The following UNC79 variants were observed in gnomAD, a reference collection of about 807,000 sequenced individuals.
The protein encoded by UNC79 is unc-79 subunit of NALCN channel complex.
UNC79 carries 37 observed loss-of-function variants against 283.1 expected under a neutral mutation model. The ratio of observed to expected loss-of-function variants is 0.13; its 90% CI spans 0.10 to 0.17. UNC79 has a LOEUF of 0.17. UNC79 is among the 10% of genes least tolerant of loss of function. The pLI is 1.00. For synonymous variants in UNC79, 1,107 were observed against 1,200.2 expected, an observed-to-expected ratio of 0.92 and a Z score of 1.61; for missense variants, 2,272 against 3,211.1, an observed-to-expected ratio of 0.71 and a Z score of 7.07.
Position 93,621,565 on chromosome 14 carries a change from GA to G in UNC79, c.4388-50del. ...CCAATTGTATGCCCAAGGATGAGGG[GA>G]AAAAATGGTGAAATCTCCAAGTAAA... On this transcript the variant is annotated intron_variant, in intron 29 of 48. Transcript: ENST00000555664. The surrounding 1 kb of genome is among the most constrained non-coding windows in gnomAD (Gnocchi z 4.8). 18 of 1,491,494 alleles carry G rather than the reference GA, an allele frequency of 1.2e-5. No individual in the cohort carries two copies. The South Asian group carries it at 1.8e-4, about 15-fold the overall frequency. 92.4% of individuals were successfully genotyped at this position (1,491,494 alleles called of 1,614,324 possible). A position where few individuals can be genotyped will look rare whatever the true frequency, so the allele number is the denominator to read the frequency against.
intron 29 of UNC79, among the ~76,000 whole-genome samples, chr14:93,619,659 T>G (rs1246741372): frequency 6.6e-6 from 1 of 152,204 alleles, no homozygotes; most frequent in Admixed American, 6.5e-5. Context: ...TATGGTTATT[T>G]CATCTAAAAT....
At chr14:93,517,181 T>TCCCCTCTCTCCA (rs1162353806) in intron 7 of UNC79, among the ~76,000 whole-genome samples, 1 of 151,008 alleles carries the variant, frequency 6.6e-6, no homozygotes, top group Non-Finnish European at 1.5e-5. Flanking sequence ...CCTTCCTTCC[T>TCCCCTCTCTCCA]CCCCTCTCTC....
chr14:93,566,818 C>T (rs556709844), intron 14 of UNC79, among the ~76,000 whole-genome samples: 32 of 152,046 alleles, frequency 2.1e-4, no homozygotes, highest in Non-Finnish European at 7.4e-5. Context: ...GGTATTTCAC[C>T]ATGTTGGCAA....
At chr14:93,468,722 G>A (rs966683350) in intron 2 of UNC79, among the ~76,000 whole-genome samples, 16 of 152,258 alleles carry the variant, frequency 1.1e-4, no homozygotes, top group African/African-American at 3.8e-4. Flanking sequence ...AGTCAGCTAC[G>A]AATCTTTTGC....
chr14:93,659,491 A>G (rs1201720092), intron 39 of UNC79, among the ~76,000 whole-genome samples: 1 of 152,144 alleles, frequency 6.6e-6, no homozygotes, highest in Non-Finnish European at 1.5e-5. Context: ...CATGCCCCCC[A>G]ATCCATCCCC....
At chr14:93,372,268 C>A (rs2054467818) in intron 1 of UNC79, among the ~76,000 whole-genome samples, 1 of 152,118 alleles carries the variant, frequency 6.6e-6, no homozygotes, top group Non-Finnish European at 1.5e-5. Context: ...TATACAGTAA[C>A]AACTCTGTAT....
chr14:93,369,542 G>A (rs562732960), intron 1 of UNC79, among the ~76,000 whole-genome samples: 4 of 152,316 alleles, frequency 2.6e-5, no homozygotes, highest in South Asian at 4.1e-4. Context: ...AGACACTGCC[G>A]TGGGAACAAG....
chr14:93,582,426 G>A lies in UNC79; in HGVS notation c.2803+82G>A, dbSNP rs533583943. ...ATCACCGGGTTCTTGGTTTAATATC[G>A]ACTTGGGCAAATTCAGACGTGGTTT... On this transcript the variant is annotated intron_variant, in intron 20 of 48. Coordinates refer to ENST00000555664, the Ensembl canonical transcript of UNC79. The A allele has an allele frequency of 1.3e-4, 196 of 1,554,626 alleles. No homozygotes were observed. In the African/African-American group the frequency reaches 1.5e-3, roughly 12 times the overall value.
chr14:93,339,209 G>A (rs2053646681), intron 1 of UNC79, among the ~76,000 whole-genome samples: 1 of 152,174 alleles, frequency 6.6e-6, no homozygotes, highest in Non-Finnish European at 1.5e-5. Flanking sequence ...CCCCCAACCA[G>A]ATTAGAGTGT....
intron 14 of UNC79, among the ~76,000 whole-genome samples, chr14:93,546,179 C>A (rs1292731679): frequency 6.6e-6 from 1 of 152,188 alleles, no homozygotes; most frequent in African/African-American, 2.4e-5. Context: ...AGCTGGCAAC[C>A]ATTTATGTCT....
intron 30 of UNC79, among the ~76,000 whole-genome samples, chr14:93,628,314 T>A (rs551648783): frequency 6.6e-6 from 1 of 152,316 alleles, no homozygotes; most frequent in East Asian, 1.9e-4. Context: ...CTTTGTATTC[T>A]TTACCTTTGG....
At chr14:93,689,169 C>G (rs1213361334) in intron 44 of UNC79, 1 of 285,172 alleles carries the variant, frequency 3.5e-6, no homozygotes, top group Non-Finnish European at 6.5e-6. Context: ...ATATATTTGC[C>G]TTCAAGCAGC....
intron 7 of UNC79, among the ~76,000 whole-genome samples, chr14:93,505,731 T>TC (rs1251816975): frequency 7.8e-6 from 1 of 128,884 alleles, no homozygotes; most frequent in African/African-American, 2.6e-5. Context: ...TCTCTCTCTC[T>TC]TTTTTTTTTG....
At chr14:93,483,209 T>C (rs773070074) in intron 4 of UNC79, among the ~76,000 whole-genome samples, 1 of 152,194 alleles carries the variant, frequency 6.6e-6, no homozygotes, top group Non-Finnish European at 1.5e-5. Flanking sequence ...TTCTCTTTAT[T>C]CCCTTGCACT....
At chr14:93,397,500 A>G (rs1378596356) in intron 1 of UNC79, among the ~76,000 whole-genome samples, 1 of 152,156 alleles carries the variant, frequency 6.6e-6, no homozygotes, top group Non-Finnish European at 1.5e-5. Context: ...GCAGTCTGTT[A>G]ATTTCCAAGG....
chr14:93,506,750 A>T (rs1291076321), intron 7 of UNC79, among the ~76,000 whole-genome samples: 1 of 152,100 alleles, frequency 6.6e-6, no homozygotes. Flanking sequence ...TAGTGATAGT[A>T]CTTTATTAAG....
intron 1 of UNC79, among the ~76,000 whole-genome samples, chr14:93,415,543 T>A (rs1435104503): frequency 2.0e-5 from 3 of 151,974 alleles, no homozygotes; most frequent in African/African-American, 7.2e-5. Flanking sequence ...ATAAAATGAG[T>A]TAGGGAGGAT....
chr14:93,670,889 A>G (rs1485679262), intron 40 of UNC79, among the ~76,000 whole-genome samples: 2 of 152,384 alleles, frequency 1.3e-5, no homozygotes, highest in East Asian at 1.9e-4. Context: ...TAGGAGTTGT[A>G]TATCAGATAC....
chr14:93,444,840 A>G (rs1384213520), intron 1 of UNC79, among the ~76,000 whole-genome samples: 1 of 152,178 alleles, frequency 6.6e-6, no homozygotes, highest in East Asian at 1.9e-4. Flanking sequence ...TCAACTATTT[A>G]AAGTCCTTTG....
Sources: gnomAD v4.1 joint callset for allele counts (sites outside exome capture counted in the v4.1 genomes callset) on GRCh38, gnomAD v4.1.1 for gene constraint, Gnocchi (gnomAD v3.1) non-coding constraint, MANE v1.5 for transcripts, NCBI Gene and HGNC (gene_info 2026-07-23, HGNC 2026-07-21) for gene names.